TMTC3: variants seen among roughly 807,000 people sequenced by gnomAD.
The protein encoded by TMTC3 is protein O-mannosyl-transferase TMTC3.
A neutral mutation model predicts 92.2 loss-of-function variants in TMTC3; 52 were observed. The ratio of observed to expected loss-of-function variants is 0.56; its 90% CI spans 0.45 to 0.71. The LOEUF (loss-of-function observed/expected upper bound fraction) is 0.71. TMTC3 is among the 30% of genes least tolerant of loss of function. TMTC3 has a pLI of 0.00. For synonymous variants in TMTC3, 339 were observed against 363.3 expected, an observed-to-expected ratio of 0.93 and a Z score of 0.76; for missense variants, 896 against 1,057.1, an observed-to-expected ratio of 0.85 and a Z score of 2.11.
chr12:88,156,813 T>TG (rs2041017088), intron 4 of TMTC3, among the ~76,000 whole-genome samples: 3 of 144,768 alleles, frequency 2.1e-5, no homozygotes, highest in African/African-American at 5.0e-5. Flanking sequence ...GTGTGTGTGT[T>TG]TTTTTTTTTT....
At chr12:88,158,845 A>G (rs2041040766) in intron 4 of TMTC3, among the ~76,000 whole-genome samples, 1 of 152,068 alleles carries the variant, frequency 6.6e-6, no homozygotes, top group Non-Finnish European at 1.5e-5. Context: ...TGAGGTCGGG[A>G]GTTCAAGACC....
rs758193041 is a variant in TMTC3 at position 88,174,760 on chromosome 12, G to A, written c.1320+33G>A. On this transcript the variant is annotated intron_variant, in intron 9 of 13. Transcript: ENST00000266712. ...GTTGTTCAGAATGACAGGAAAGTAT[G>A]TCATCAGTGATTTCTTGGAACAATT... The A allele has an allele frequency of 1.9e-6, 3 of 1,608,264 alleles. No homozygotes were observed. In the East Asian group the frequency reaches 6.7e-5, roughly 36 times the overall value.
At chr12:88,172,868 A>G in intron 8 of TMTC3, 123 bp downstream of exon 8, 2 of 1,495,420 alleles carry the variant, frequency 1.3e-6, no homozygotes, top group Non-Finnish European at 1.8e-6. Flanking sequence ...TTTCATCTCC[A>G]TAGTCTCCTC....
intron 6 of TMTC3, among the ~76,000 whole-genome samples, chr12:88,165,484 T>G (rs1213264423): frequency 6.6e-6 from 1 of 152,070 alleles, no homozygotes; most frequent in Non-Finnish European, 1.5e-5. Flanking sequence ...CAAATAGTAT[T>G]TATTTTTATC....
At position 88,198,488 on chromosome 12, in the gene TMTC3, G is replaced by T; in HGVS notation, c.*2839G>T. ...AAGGTAGAATTAAGTTTCTGGAATTGCACCTACATGTTTTCTTATTAACAT... is the reference window on the plus strand; with the variant it reads ...AAGGTAGAATTAAGTTTCTGGAATTTCACCTACATGTTTTCTTATTAACAT... On this transcript the variant is annotated 3_prime_UTR_variant, in exon 14 of 14. Coordinates refer to ENST00000266712, the MANE Select transcript of TMTC3 (RefSeq NM_181783.4). 2.5e-6 allele frequency: 1 copy of T among 397,724 alleles called. No individual in the cohort carries two copies. 24.6% of individuals were successfully genotyped at this position (397,724 alleles called of 1,614,324 possible).
intron 1 of TMTC3, among the ~76,000 whole-genome samples, chr12:88,144,932 C>T (rs1320057474): frequency 2.0e-5 from 3 of 152,158 alleles, no homozygotes; most frequent in Non-Finnish European, 4.4e-5. Flanking sequence ...AGAAATGGGA[C>T]TTATGTGACA....
intron 9 of TMTC3, among the ~76,000 whole-genome samples, chr12:88,175,321 T>A (rs1490030248): frequency 1.3e-5 from 2 of 152,264 alleles, no homozygotes; most frequent in East Asian, 3.9e-4. Flanking sequence ...AAACAAAAAT[T>A]TGTTTTCTTT....
intron 10 of TMTC3, among the ~76,000 whole-genome samples, chr12:88,184,625 T>C (rs535457295): frequency 2.0e-5 from 3 of 152,348 alleles, no homozygotes; most frequent in African/African-American, 4.8e-5. Context: ...TATTTGTTCA[T>C]TGGGCACGTA....
chr12:88,163,950 C>T (rs999121352), intron 6 of TMTC3, among the ~76,000 whole-genome samples: 8 of 152,036 alleles, frequency 5.3e-5, no homozygotes, highest in African/African-American at 1.9e-4. Flanking sequence ...GTAATCCCAG[C>T]ACTTTGAGAG....
In TMTC3 at chr12:88,158,438, T is replaced by C. The variant is rs920292953; in HGVS notation, c.509-1676T>C. On this transcript the variant is annotated intron_variant, in intron 4 of 13. Transcript: ENST00000266712. ...TCTTGTTGAATTTAGCATTGTAGTG[T>C]AATATAATCTATTATATTAGTATTG... 8.5e-5 allele frequency among the ~76,000 whole-genome samples: 13 copies of C among 152,180 alleles called. No homozygotes were observed. In the East Asian group the frequency reaches 2.5e-3, roughly 29 times the overall value.
intron 6 of TMTC3, among the ~76,000 whole-genome samples, chr12:88,163,540 G>C (rs1243352127): frequency 6.6e-6 from 1 of 152,118 alleles, no homozygotes; most frequent in Non-Finnish European, 1.5e-5. Flanking sequence ...CAGTATGTCA[G>C]CACAATTGGT....
At chr12:88,189,090 C>A in intron 11 of TMTC3, 144 bp downstream of exon 11, 10 of 535,366 alleles carry the variant, frequency 1.9e-5, no homozygotes, top group Admixed American at 3.9e-5. Flanking sequence ...TTCTAGCTTA[C>A]TTAATTTTTT....
intron 1 of TMTC3, among the ~76,000 whole-genome samples, chr12:88,145,862 C>G (rs1315861206): frequency 6.6e-6 from 1 of 152,140 alleles, no homozygotes; most frequent in African/African-American, 2.4e-5. Context: ...CTAATTTTTT[C>G]TTATAGACAT....
Position 88,172,647 on chromosome 12 carries a change from TC to T in TMTC3, c.1103del (p.Pro368GlnfsTer22). The T allele has an allele frequency of 6.4e-7, 1 of 1,573,576 alleles. No individual in the cohort carries two copies. On this transcript the variant is annotated frameshift_variant, in exon 8 of 14. Coordinates refer to ENST00000266712, the MANE Select transcript of TMTC3 (RefSeq NM_181783.4). LOFTEE classifies it high-confidence loss of function. ...TTATTCCTGCATCGAACCTTTTTTT[TC>T]CAGTTGGATTTGTTGTTGCCGAGCG... The part of the protein sequence containing the change: ...PFIPASNLFF[P>X]VGFVVAERVL...
At chr12:88,191,959 T>G (rs2041447759) in intron 12 of TMTC3, among the ~76,000 whole-genome samples, 1 of 151,326 alleles carries the variant, frequency 6.6e-6, no homozygotes. Context: ...TCTGCCCACC[T>G]CAGCCTCCCA....
Position 88,194,998 on chromosome 12 carries a change from A to G in TMTC3, c.2094A>G (p.Gln698=). The part of the protein sequence containing the change: ...EIWMKKAIKL[Q]ADFRSALFNL... ...GGATGAAGAAAGCCATAAAGTTACA[A>G]GCCGACTTCCGAAGTGCTTTGTTTA... Residue 698 remains glutamine (Q), a synonymous_variant, in exon 14 of 14, where the codon CAA becomes CAG. Transcript: ENST00000266712. 6.2e-7 allele frequency: 1 copy of G among 1,613,852 alleles called. No homozygotes were observed. Among genetic ancestry groups the G allele is most frequent in the South Asian group, 1.1e-5 (1 of 91,074 alleles).
intron 12 of TMTC3, 52 bp downstream of exon 12, chr12:88,190,674 C>T (rs2041432421): frequency 4.6e-6 from 7 of 1,514,770 alleles, no homozygotes; most frequent in Non-Finnish European, 6.2e-6. Flanking sequence ...AACTGCATCT[C>T]CATGTACATT....
At chr12:88,148,847 G>A (rs1403832491) in intron 2 of TMTC3, among the ~76,000 whole-genome samples, 2 of 151,896 alleles carry the variant, frequency 1.3e-5, no homozygotes, top group South Asian at 2.1e-4. Flanking sequence ...CAGACAGCGA[G>A]TATAGTACCC....
chr12:88,168,444 T>A (rs2471515), intron 7 of TMTC3, among the ~76,000 whole-genome samples: 141,301 of 152,252 alleles, frequency 0.93, 65,695 homozygotes, highest in East Asian at 0.99. Context: ...ACAAACTGCT[T>A]ATCTTATGTA....
Sources: allele counts gnomAD v4.1 joint callset (sites outside exome capture counted in the v4.1 genomes callset), GRCh38; gene constraint gnomAD v4.1.1; transcripts MANE v1.5; gene names NCBI Gene and HGNC (gene_info 2026-07-23, HGNC 2026-07-21).